Variants in KDM4C observed in about 807,000 individuals in gnomAD.
The protein encoded by KDM4C is lysine demethylase 4C, also known as lysine-specific demethylase 4C.
KDM4C carries 81 observed loss-of-function variants against 129.3 expected under a neutral mutation model. That is an observed-to-expected ratio of 0.63 (90% confidence interval 0.52 to 0.75). The LOEUF (loss-of-function observed/expected upper bound fraction) is 0.75, where lower values mean the gene tolerates loss of function less well. Among genes scored for constraint, KDM4C ranks in the 30% least tolerant of loss-of-function variants. The pLI is 0.00. For synonymous variants in KDM4C, 573 were observed against 456.1 expected (o/e 1.26, Z -3.26); for missense variants, 1,457 against 1,304.0 (o/e 1.12, Z -1.81).
chr9:6,986,818 A>G (rs1221175165), intron 11 of KDM4C, 152 bp downstream of exon 11: 1 of 584,796 alleles, frequency 1.7e-6, no homozygotes, highest in Non-Finnish European at 2.9e-6. Flanking sequence ...AATAACTGGG[A>G]GGTAAGCCTC....
At chr9:6,974,144 T>G (rs140991786) in intron 8 of KDM4C, among the ~76,000 whole-genome samples, 1 of 152,210 alleles carries the variant, frequency 6.6e-6, no homozygotes. Context: ...CAGTTTCTTA[T>G]CCATAAATTA....
chr9:6,930,699 TATC>T (rs57586397), intron 8 of KDM4C, among the ~76,000 whole-genome samples: 2,055 of 143,822 alleles, frequency 0.014, 42 homozygotes, highest in African/African-American at 0.04. Flanking sequence ...ATTATTAACA[TATC>T]ATATGATTAT....
rs115132384 is a variant in KDM4C at position 6,734,208 on chromosome 9, A to C, written c.49+13211A>C. On this transcript the variant is annotated intron_variant, in intron 1 of 17. Coordinates refer to the KDM4C transcript ENST00000536108. ...ATTAAATGCAGCTGTCCCCAGAAAG[A>C]GATTGATCTTTTCTAGGCTGCTACC... Among the ~76,000 whole-genome samples the C allele has an allele frequency of 9.6e-3, 1,449 of 151,606 alleles. 22 individuals carry two copies. Among genetic ancestry groups the C allele is most frequent in the African/African-American group, 0.033 (1,376 of 41,318 alleles).
At chr9:6,730,874 C>T (rs910550502) in intron 1 of KDM4C, among the ~76,000 whole-genome samples, 13 of 152,168 alleles carry the variant, frequency 8.5e-5, no homozygotes, top group Non-Finnish European at 1.6e-4. Context: ...AGTATGGCTG[C>T]TGGGATGGGC....
At chr9:7,127,015 G>C (rs1037923524) in intron 18 of KDM4C, among the ~76,000 whole-genome samples, 3 of 152,150 alleles carry the variant, frequency 2.0e-5, no homozygotes, top group African/African-American at 7.2e-5. Flanking sequence ...TAATGACAAT[G>C]GGTGGATAGA....
intron 8 of KDM4C, among the ~76,000 whole-genome samples, chr9:6,928,734 C>T (rs1416546305): frequency 2.6e-5 from 4 of 152,120 alleles, no homozygotes; most frequent in African/African-American, 4.8e-5. Context: ...CTTACCCACT[C>T]GTTTTTGTTC....
intron 15 of KDM4C, among the ~76,000 whole-genome samples, chr9:7,025,279 C>T (rs181300719): frequency 1.6e-3 from 243 of 152,246 alleles, no homozygotes; most frequent in African/African-American, 5.7e-3. Context: ...TTCTTGTAGA[C>T]AACAGATAAT....
intron 5 of KDM4C, among the ~76,000 whole-genome samples, chr9:6,874,126 T>C (rs1282627559): frequency 2.0e-5 from 3 of 152,172 alleles, no homozygotes; most frequent in African/African-American, 4.8e-5. Flanking sequence ...ATGAAAAAGA[T>C]TGAAATGTGA....
At chr9:6,862,551 C>T (rs1013613604) in intron 5 of KDM4C, among the ~76,000 whole-genome samples, 1 of 152,044 alleles carries the variant, frequency 6.6e-6, no homozygotes, top group South Asian at 2.1e-4. Context: ...AGCTGTAATC[C>T]CAGCACTTTA....
chr9:7,015,726 C>A, intron 14 of KDM4C, 127 bp from the exon 15 acceptor site: 1 of 578,762 alleles, frequency 1.7e-6, no homozygotes, highest in Non-Finnish European at 3.1e-6. Flanking sequence ...ATGTTTTGTT[C>A]TATACAGTGA....
intron 8 of KDM4C, among the ~76,000 whole-genome samples, chr9:6,938,361 A>G (rs370204920): frequency 2.7e-4 from 41 of 152,190 alleles, no homozygotes; most frequent in Non-Finnish European, 4.3e-4. Context: ...GCTCAGTTCT[A>G]AACTTTTTTA....
At chr9:6,784,744 C>G (rs1470555494) in intron 1 of KDM4C, among the ~76,000 whole-genome samples, 3 of 152,094 alleles carry the variant, frequency 2.0e-5, no homozygotes, top group Non-Finnish European at 4.4e-5. Context: ...GAAATGAGTC[C>G]TGGCTTAGGC....
At chr9:6,743,157 A>T (rs1387142914) in intron 1 of KDM4C, among the ~76,000 whole-genome samples, 3 of 152,216 alleles carry the variant, frequency 2.0e-5, no homozygotes, top group African/African-American at 7.2e-5. Flanking sequence ...GATGAAACAG[A>T]CTAAACAATA....
At chr9:6,969,648 A>G (rs560540431) in intron 8 of KDM4C, among the ~76,000 whole-genome samples, 2 of 152,340 alleles carry the variant, frequency 1.3e-5, no homozygotes, top group African/African-American at 4.8e-5. Context: ...TCATTTTTTC[A>G]TATGTCAAAT....
intron 17 of KDM4C, among the ~76,000 whole-genome samples, chr9:7,075,970 C>A (rs1390422550): frequency 6.6e-6 from 1 of 152,128 alleles, no homozygotes; most frequent in East Asian, 1.9e-4. Flanking sequence ...CCTCCCTTTT[C>A]CTCAGTCATA....
At chr9:6,983,047 C>G (rs1817042651) in intron 9 of KDM4C, among the ~76,000 whole-genome samples, 1 of 152,158 alleles carries the variant, frequency 6.6e-6, no homozygotes, top group Non-Finnish European at 1.5e-5. Flanking sequence ...ATATACTACA[C>G]TGTTTATAAT....
intron 6 of KDM4C, among the ~76,000 whole-genome samples, chr9:6,885,834 A>G (rs1207164750): frequency 6.6e-6 from 1 of 152,206 alleles, no homozygotes; most frequent in Non-Finnish European, 1.5e-5. Flanking sequence ...TTGTAAATAT[A>G]AATTCTGAAC....
chr9:6,807,430 A>C lies in KDM4C; in HGVS notation c.320+1656A>C, dbSNP rs369950536. On this transcript the variant is annotated intron_variant, in intron 3 of 21. Coordinates refer to ENST00000381309, the MANE Select transcript of KDM4C (RefSeq NM_015061.6). Reference sequence around the variant, plus strand: ...CCGCCCGGCCGCCATCCCATCTAGGAAGTGAGGAGCGCCTCTTCCCAGCCG... The same window carrying C: ...CCGCCCGGCCGCCATCCCATCTAGGCAGTGAGGAGCGCCTCTTCCCAGCCG... Among the ~76,000 whole-genome samples the C allele has an allele frequency of 1.9e-4, 27 of 140,198 alleles. No individual in the cohort carries two copies. The East Asian group carries it at 2.1e-3, about 11-fold the overall frequency. 92.0% of individuals were successfully genotyped at this position (140,198 alleles called of 152,430 possible). A position where few individuals can be genotyped will look rare whatever the true frequency, so the allele number is the denominator to read the frequency against.
chr9:7,016,151 G>A (rs1473275569), intron 15 of KDM4C, among the ~76,000 whole-genome samples: 1 of 148,070 alleles, frequency 6.8e-6, no homozygotes, highest in African/African-American at 2.5e-5. Flanking sequence ...TTTTTGAGAC[G>A]GAGTCTCTCT....
Sources: allele counts gnomAD v4.1 joint callset (sites outside exome capture counted in the v4.1 genomes callset), GRCh38; gene constraint gnomAD v4.1.1; transcripts MANE v1.5; gene names NCBI Gene and HGNC (gene_info 2026-07-23, HGNC 2026-07-21).